Variants in CAMTA1 observed in about 807,000 individuals in gnomAD.
The protein encoded by CAMTA1 is calmodulin-binding transcription activator 1.
A neutral mutation model predicts 170.9 loss-of-function variants in CAMTA1; 27 were observed. The observed-to-expected ratio is 0.16, with a 90% confidence interval of 0.12 to 0.22. The LOEUF is 0.22. CAMTA1 is among the 10% of genes least tolerant of loss of function. The probability of loss-of-function intolerance (pLI) is 1.00; values close to 1 mark genes in which losing one functional copy is unlikely to be tolerated. For synonymous variants in CAMTA1, 833 were observed against 891.5 expected (o/e 0.93, Z 1.17); for missense variants, 1,619 against 2,217.2 (o/e 0.73, Z 5.42).
chr1:7,033,215 G>GT (rs1703050194), intron 3 of CAMTA1, among the ~76,000 whole-genome samples: 1 of 152,074 alleles, frequency 6.6e-6, no homozygotes, highest in Admixed American at 6.5e-5. Flanking sequence ...ACTCTATTCA[G>GT]TTTTTTCTTT....
At chr1:7,003,859 G>A (rs1400233717) in intron 3 of CAMTA1, among the ~76,000 whole-genome samples, 2 of 152,234 alleles carry the variant, frequency 1.3e-5, no homozygotes, top group African/African-American at 4.8e-5. Context: ...TAGGAGTTGT[G>A]AGAGGTGGGT....
rs574029585 is a variant in CAMTA1 at position 6,955,971 on chromosome 1, C to T, written c.234+130761C>T. On this transcript the variant is annotated intron_variant, in intron 3 of 22. Coordinates refer to ENST00000303635, the MANE Select transcript of CAMTA1 (RefSeq NM_015215.4). ...GAGGAGGCAAGGGTCAGGGCTGTTCCTGCAGCTTCCGGCAAGTCCTTTGCA... is the reference window on the plus strand; with the variant it reads ...GAGGAGGCAAGGGTCAGGGCTGTTCTTGCAGCTTCCGGCAAGTCCTTTGCA... Among the ~76,000 whole-genome samples, 3 of 152,312 alleles carry T rather than the reference C, an allele frequency of 2.0e-5. No homozygotes were observed. In the South Asian group the frequency reaches 6.2e-4, roughly 32 times the overall value.
At chr1:6,883,984 A>T (rs1672379072) in intron 3 of CAMTA1, among the ~76,000 whole-genome samples, 1 of 152,156 alleles carries the variant, frequency 6.6e-6, no homozygotes, top group Non-Finnish European at 1.5e-5. Flanking sequence ...TATATCTTAT[A>T]TTTCCATTAC....
At chr1:7,366,404 G>A (rs553357579) in intron 5 of CAMTA1, among the ~76,000 whole-genome samples, 4 of 152,308 alleles carry the variant, frequency 2.6e-5, no homozygotes, top group East Asian at 3.9e-4. Flanking sequence ...CTCCAAGGCC[G>A]CGGGTTGCCT....
At chr1:7,649,781 A>G (rs1417270898) in intron 7 of CAMTA1, among the ~76,000 whole-genome samples, 3 of 152,108 alleles carry the variant, frequency 2.0e-5, no homozygotes, top group Non-Finnish European at 4.4e-5. Context: ...CCTTTTGTGG[A>G]GTGCGCCCCT....
chr1:7,620,894 G>A (rs1458803978), intron 6 of CAMTA1, among the ~76,000 whole-genome samples: 1 of 152,224 alleles, frequency 6.6e-6, no homozygotes, highest in African/African-American at 2.4e-5. Flanking sequence ...TGACAGTTCA[G>A]ACCAAGCCAG....
intron 6 of CAMTA1, among the ~76,000 whole-genome samples, chr1:7,560,293 G>A (rs1460654517): frequency 6.6e-6 from 1 of 152,222 alleles, no homozygotes; most frequent in Non-Finnish European, 1.5e-5. Context: ...CAGGTCCCCT[G>A]GGGTCGCTTG....
At chr1:7,605,288 T>A (rs985863263) in intron 6 of CAMTA1, among the ~76,000 whole-genome samples, 38 of 152,186 alleles carry the variant, frequency 2.5e-4, no homozygotes, top group South Asian at 6.2e-4. Context: ...AGAGGTGGAG[T>A]CTACAGAGGC....
chr1:7,048,055 G>C (rs1379889310), intron 3 of CAMTA1, among the ~76,000 whole-genome samples: 1 of 152,172 alleles, frequency 6.6e-6, no homozygotes, highest in Non-Finnish European at 1.5e-5. Context: ...AGCAGAGGAA[G>C]CCCTTGGTCA....
Position 6,887,627 on chromosome 1 carries a change from G to T in CAMTA1, c.234+62417G>T, listed in dbSNP as rs941492442. The T allele has an allele frequency of 2.0e-6, 3 of 1,532,928 alleles. No homozygotes were observed. The highest frequency in any genetic ancestry group is 1.2e-5 in the South Asian group (1 of 83,382). The allele number at this position is 1,532,928 out of a possible 1,614,324, so 95.0% of individuals were successfully genotyped here. ...AAACAGAAATAGAAGCGACGGTTTT[G>T]ACCCATTTTACACCTATTTATTTCA... On this transcript the variant is annotated intron_variant, in intron 3 of 22. Coordinates refer to ENST00000303635, the MANE Select transcript of CAMTA1 (RefSeq NM_015215.4). The surrounding 1 kb of genome is among the most constrained non-coding windows in gnomAD (Gnocchi z 4.1).
chr1:7,488,267 G>A (rs1220243206), intron 6 of CAMTA1, among the ~76,000 whole-genome samples: 1 of 152,144 alleles, frequency 6.6e-6, no homozygotes, highest in Non-Finnish European at 1.5e-5. Context: ...GAGCAGCTGT[G>A]AGGCTGGGCC....
chr1:6,937,301 TACC>T (rs1413015413), intron 3 of CAMTA1, among the ~76,000 whole-genome samples: 3 of 125,192 alleles, frequency 2.4e-5, no homozygotes, highest in East Asian at 2.5e-4. Flanking sequence ...ATTCACTACT[TACC>T]ACCACCATCA....
Position 6,965,496 on chromosome 1 carries a change from G to C in CAMTA1, c.235-125808G>C, listed in dbSNP as rs1691368738. Among the ~76,000 whole-genome samples the C allele has an allele frequency of 1.3e-5, 2 of 152,132 alleles. No homozygotes were observed. The highest frequency in any genetic ancestry group is 1.3e-4 in the Admixed American group (2 of 15,274). ...TAAATGTGGTTTATTAGCCCCCCTG[G>C]CTCAGAGGGGGCTGGGCACTGGTAG... is the stretch of plus-strand genomic sequence containing the variant. On this transcript the variant is annotated intron_variant, in intron 3 of 22. Transcript: ENST00000303635. The surrounding 1 kb of genome is among the most constrained non-coding windows in gnomAD (Gnocchi z 4.1).
chr1:7,761,412 T>G (rs542992976), intron 22 of CAMTA1, among the ~76,000 whole-genome samples: 1 of 150,626 alleles, frequency 6.6e-6, no homozygotes, highest in Admixed American at 6.6e-5. Context: ...AATTTAGAAG[T>G]AAGTGCAGTT....
chr1:7,496,000 G>A (rs2093820817), intron 6 of CAMTA1, among the ~76,000 whole-genome samples: 2 of 152,152 alleles, frequency 1.3e-5, no homozygotes, highest in Admixed American at 1.3e-4. Flanking sequence ...TTGGCCCTCT[G>A]AACTGGGGAA....
At chr1:7,043,184 A>C (rs1704752751) in intron 3 of CAMTA1, among the ~76,000 whole-genome samples, 1 of 152,204 alleles carries the variant, frequency 6.6e-6, no homozygotes, top group African/African-American at 2.4e-5. Context: ...TTGCTTTCAT[A>C]GGATGGTGGG....
chr1:7,451,626 C>G (rs1557737504), intron 5 of CAMTA1, among the ~76,000 whole-genome samples: 1 of 152,196 alleles, frequency 6.6e-6, no homozygotes, highest in South Asian at 2.1e-4. Flanking sequence ...CCCTGAGAAC[C>G]CTTAGAATGG....
chr1:7,663,814 C>G lies in CAMTA1; in HGVS notation c.1267C>G (p.Leu423Val). Residue 423 changes from leucine (L) to valine (V), a missense_variant, in exon 9 of 23, where the codon CTC (leucine) becomes GTC (valine). Transcript: ENST00000303635. ...SPTAGPNHHLLSPDASQGLVL... is the reference protein window; with the variant it reads ...SPTAGPNHHLVSPDASQGLVL... ...CACCGCTGGCCCCAACCACCACCTC[C>G]TCTCACCTGACGCCTCTCAGGGCCT... 1 of 1,614,188 alleles carries G rather than the reference C, an allele frequency of 6.2e-7. No individual in the cohort carries two copies. The highest frequency in any genetic ancestry group is 8.5e-7 in the Non-Finnish European group (1 of 1,180,046).
chr1:7,524,470 G>A (rs959612928), intron 6 of CAMTA1, among the ~76,000 whole-genome samples: 5 of 152,130 alleles, frequency 3.3e-5, no homozygotes, highest in East Asian at 1.9e-4. Flanking sequence ...TGGCTTTTAC[G>A]TCTTTCTCCT....
Sources: gnomAD v4.1 joint callset for allele counts (sites outside exome capture counted in the v4.1 genomes callset) on GRCh38, gnomAD v4.1.1 for gene constraint, Gnocchi (gnomAD v3.1) non-coding constraint, MANE v1.5 for transcripts, NCBI Gene and HGNC (gene_info 2026-07-23, HGNC 2026-07-21) for gene names.